Variants in TARS2 observed in about 807,000 individuals in gnomAD.
TARS2 encodes the protein threonyl-tRNA synthetase 2, mitochondrial.
Under a neutral mutation model 94.4 loss-of-function variants are expected in TARS2, and 61 were observed. That is an observed-to-expected ratio of 0.65 (90% confidence interval 0.53 to 0.80). TARS2 has a LOEUF of 0.80. Among genes scored for constraint, TARS2 ranks in the 30% least tolerant of loss-of-function variants. TARS2 has a pLI of 0.00. For missense variants in TARS2, 704 were observed against 902.5 expected, an observed-to-expected ratio of 0.78 and a Z score of 2.82; for synonymous variants, 359 against 353.4, an observed-to-expected ratio of 1.02 and a Z score of -0.18.
intron 13 of TARS2, among the ~76,000 whole-genome samples, chr1:150,503,585 A>ATATG (rs1461714331): frequency 0.051 from 6,920 of 137,020 alleles, 233 homozygotes; most frequent in East Asian, 0.099. Flanking sequence ...GTGTATATAT[A>ATATG]TGTGTGTGTG....
intron 10 of TARS2, 99 bp from the exon 11 acceptor site, chr1:150,498,403 A>G: frequency 7.1e-7 from 1 of 1,417,262 alleles, no homozygotes; most frequent in Non-Finnish European, 9.4e-7. Context: ...GGGTTATAGC[A>G]GATGGTGCAG....
chr1:150,496,802 G>T lies in TARS2; in HGVS notation c.922-8G>T, dbSNP rs1046324299. Reference sequence around the variant, plus strand: ...GAGGTGACCCAATATTGCTATTCCTGACCCCAGGAACAGGAGCTCTTCTTC... The same window carrying T: ...GAGGTGACCCAATATTGCTATTCCTTACCCCAGGAACAGGAGCTCTTCTTC... On this transcript the variant is annotated splice_region_variant and splice_polypyrimidine_tract_variant and intron_variant, in intron 8 of 17. Transcript: ENST00000369064. The T allele has an allele frequency of 8.7e-6, 14 of 1,613,466 alleles. No individual in the cohort carries two copies. Among genetic ancestry groups the T allele is most frequent in the African/African-American group, 1.3e-5 (1 of 74,876 alleles).
chr1:150,491,960 AG>A (rs1669408302), intron 6 of TARS2: 3 of 116,434 alleles, frequency 2.6e-5, no homozygotes, highest in Non-Finnish European at 5.0e-5. Context: ...ATGCCTGGCT[AG>A]TTTTTTTTTT....
At chr1:150,496,126 T>C (rs1191489453) in intron 7 of TARS2, among the ~76,000 whole-genome samples, 3 of 152,138 alleles carry the variant, frequency 2.0e-5, no homozygotes, top group Non-Finnish European at 4.4e-5. Context: ...GTATAGGATA[T>C]TGATAAATGG....
At chr1:150,491,091 CT>C (rs1176742486) in intron 4 of TARS2, among the ~76,000 whole-genome samples, 1 of 151,954 alleles carries the variant, frequency 6.6e-6, no homozygotes, top group Non-Finnish European at 1.5e-5. Flanking sequence ...AAACAACTTA[CT>C]TTGTTACTTG....
chr1:150,489,131 G>A (rs1669272210), intron 3 of TARS2, 44 bp downstream of exon 3: 1 of 1,613,070 alleles, frequency 6.2e-7, no homozygotes, highest in Non-Finnish European at 8.5e-7. Flanking sequence ...ACTAAACCAA[G>A]AGATATTGAA....
At chr1:150,499,074 C>T in intron 12 of TARS2, 40 bp downstream of exon 12, 6 of 1,613,826 alleles carry the variant, frequency 3.7e-6, no homozygotes, top group Non-Finnish European at 4.2e-6. Context: ...ATAAACCACT[C>T]TCTGGTGGGA....
chr1:150,491,074 AAAG>A (rs1669361832), intron 4 of TARS2, among the ~76,000 whole-genome samples: 2 of 150,594 alleles, frequency 1.3e-5, no homozygotes, highest in South Asian at 4.2e-4. Flanking sequence ...ACAAAAAGAA[AAAG>A]AAGAAACAAC....
chr1:150,500,025 AT>A (rs1361456314), intron 13 of TARS2, among the ~76,000 whole-genome samples: 1 of 151,652 alleles, frequency 6.6e-6, no homozygotes, highest in Non-Finnish European at 1.5e-5. Flanking sequence ...AAAAAAAAAA[AT>A]TAGCCGGGTG....
Position 150,507,036 on chromosome 1 carries a change from G to A in TARS2, c.2129G>A (p.Arg710Lys), listed in dbSNP as rs759788084. 6.2e-7 allele frequency: 1 copy of A among 1,614,106 alleles called. No individual in the cohort carries two copies. Among genetic ancestry groups the A allele is most frequent in the Admixed American group, 1.7e-5 (1 of 60,024 alleles). ...CGACTGGTGGAGCTACAGAACACGA[G>A]GGTCCCAAATGCCGAAGAAATTTTC... The part of the protein sequence containing the change: ...VQRLVELQNT[R>K]VPNAEEIF Residue 710 changes from arginine (R) to lysine (K), a missense_variant, in exon 18 of 18, where the codon AGG (arginine) becomes AAG (lysine). Arg to Lys is a conservative substitution (Grantham distance 26). This residue lies in a region of TARS2 where 466 missense variants were observed against 609.5 expected (regional missense o/e 0.76). Transcript: ENST00000369064.
chr1:150,497,535 G>A lies in TARS2; in HGVS notation c.1026G>A (p.Glu342=), dbSNP rs371727967. The A allele has an allele frequency of 5.6e-6, 9 of 1,613,868 alleles. No homozygotes were observed. Among genetic ancestry groups the A allele is most frequent in the Non-Finnish European group, 7.6e-6 (9 of 1,179,996 alleles). The change falls in exon 10 of 18, where the codon GAG becomes GAA. Residue 342 remains glutamate, a synonymous_variant. Transcript: ENST00000369064. ...GTCTGTACCCTCCTCTCCAGGCTGA[G>A]TATGCCCATCGTGGTTTCTCCGAGG... The part of the protein sequence containing the change: ...YNALVAFIRA[E]YAHRGFSEVK...
intron 13 of TARS2, among the ~76,000 whole-genome samples, chr1:150,502,060 G>A (rs1484938093): frequency 6.8e-6 from 1 of 146,340 alleles, no homozygotes; most frequent in Non-Finnish European, 1.5e-5. Context: ...TTACAGGCAT[G>A]TACCACCACG....
In TARS2 at chr1:150,507,005, G is replaced by A. The variant is rs1316624616; in HGVS notation, c.2098G>A (p.Val700Met). ...TGGGGAGTGGGACTTGCCTGAGGCT[G>A]TGCAGCGACTGGTGGAGCTACAGAA... ...RLGEWDLPEA[V>M]QRLVELQNTR... The change falls in exon 18 of 18, where the codon GTG (valine) becomes ATG (methionine). Residue 700 changes from valine to methionine, a missense_variant. Physicochemically the swap from Val to Met is conservative, Grantham distance 21 (BLOSUM62 1). Transcript: ENST00000369064. The A allele has an allele frequency of 6.2e-7, 1 of 1,614,170 alleles. No homozygotes were observed. Among genetic ancestry groups the A allele is most frequent in the Admixed American group, 1.7e-5 (1 of 60,012 alleles).
At chr1:150,495,067 T>C (rs1259611886) in intron 7 of TARS2, among the ~76,000 whole-genome samples, 1 of 151,600 alleles carries the variant, frequency 6.6e-6, no homozygotes, top group Non-Finnish European at 1.5e-5. Flanking sequence ...TAGTCCCAGC[T>C]ACTTGGGAGG....
intron 7 of TARS2, among the ~76,000 whole-genome samples, chr1:150,494,370 CAAAA>C (rs377287320): frequency 5.4e-5 from 5 of 92,046 alleles, no homozygotes; most frequent in Non-Finnish European, 6.9e-5. Context: ...GACAACATCT[CAAAA>C]AAAAAAAAAA....
chr1:150,505,064 G>C lies in TARS2; in HGVS notation c.1893+86G>C, dbSNP rs889054053. 127 of 1,393,592 alleles carry C rather than the reference G, an allele frequency of 9.1e-5. 1 individual carries two copies. The Admixed American group carries it at 2.4e-3, about 26-fold the overall frequency. The allele number at this position is 1,393,592 out of a possible 1,614,324, so 86.3% of individuals were successfully genotyped here. A position where few individuals can be genotyped will look rare whatever the true frequency, so the allele number is the denominator to read the frequency against. On this transcript the variant is annotated intron_variant, in intron 16 of 17. Transcript: ENST00000369064. Reference sequence around the variant, plus strand: ...CAGTGGGCAGGAAGAGGCTGCAGGGGTGGTAGAGGAAGGAGCACAGCCCTC... The same window carrying C: ...CAGTGGGCAGGAAGAGGCTGCAGGGCTGGTAGAGGAAGGAGCACAGCCCTC...
At chr1:150,498,024 T>C (rs149566012) in intron 10 of TARS2, among the ~76,000 whole-genome samples, 2 of 141,498 alleles carry the variant, frequency 1.4e-5, no homozygotes, top group Non-Finnish European at 3.0e-5. Context: ...ACCCAGGAGG[T>C]GGAGCTTGCA....
rs774689182 is a variant in TARS2, at chr1:150,507,384, A to G, written c.*320A>G. ...GGAGATCAAGACCACCCTGGCTAAC[A>G]CGGTGAAACCCTGTCTCTACTAAAA... On this transcript the variant is annotated 3_prime_UTR_variant, in exon 18 of 18. Transcript: ENST00000369064. 7 of 206,768 alleles carry G rather than the reference A, an allele frequency of 3.4e-5. No individual in the cohort carries two copies. The highest frequency in any genetic ancestry group is 9.5e-5 in the South Asian group (1 of 10,522). 12.8% of individuals were successfully genotyped at this position (206,768 alleles called of 1,614,324 possible).
intron 3 of TARS2, among the ~76,000 whole-genome samples, chr1:150,489,700 G>T (rs1470993822): frequency 6.6e-6 from 1 of 152,158 alleles, no homozygotes; most frequent in Non-Finnish European, 1.5e-5. Flanking sequence ...CAGCACTTTG[G>T]GAGGCCGAGG....
Sources: gnomAD v4.1 joint callset for allele counts (sites outside exome capture counted in the v4.1 genomes callset) on GRCh38, gnomAD v4.1.1 for gene constraint, gnomAD v4.1.1 regional missense constraint, MANE v1.5 for transcripts, NCBI Gene and HGNC (gene_info 2026-07-23, HGNC 2026-07-21) for gene names.